Variants in SUMF1 observed in about 807,000 individuals in gnomAD.
SUMF1 encodes sulfatase modifying factor 1.
SUMF1 carries 48 observed loss-of-function variants against 47.6 expected under a neutral mutation model. The observed-to-expected ratio is 1.01, with a 90% CI of 0.80 to 1.28. SUMF1 has a LOEUF of 1.28. Ranked by LOEUF, SUMF1 falls within the 50% of genes most tolerant of loss-of-function variation. The probability of loss-of-function intolerance (pLI) is 0.00; values close to 1 mark genes in which losing one functional copy is unlikely to be tolerated. For synonymous variants in SUMF1, 230 were observed against 192.1 expected (o/e 1.20, Z -1.63); for missense variants, 571 against 485.4 (o/e 1.18, Z -1.66).
chr3:4,181,286 A>G (rs373127736), intron 8 of SUMF1, among the ~76,000 whole-genome samples: 95 of 152,218 alleles, frequency 6.2e-4, no homozygotes, highest in African/African-American at 2.2e-3. Flanking sequence ...CTCCTTCCTC[A>G]TTCCTAGTTT....
intron 7 of SUMF1, among the ~76,000 whole-genome samples, chr3:4,384,938 C>T (rs568957962): frequency 2.0e-5 from 3 of 150,938 alleles, no homozygotes; most frequent in Non-Finnish European, 3.0e-5. Context: ...CAGGCTGGAG[C>T]GCAGTGGAGT....
intron 2 of SUMF1, among the ~76,000 whole-genome samples, chr3:4,450,912 T>C (rs1702947195): frequency 6.6e-6 from 1 of 151,866 alleles, no homozygotes; most frequent in Non-Finnish European, 1.5e-5. Flanking sequence ...GAACATAGTA[T>C]ACAAGAGGAG....
At chr3:4,230,886 A>G (rs1318155063) in intron 8 of SUMF1, among the ~76,000 whole-genome samples, 1 of 152,036 alleles carries the variant, frequency 6.6e-6, no homozygotes, top group Non-Finnish European at 1.5e-5. Context: ...GACCAAACAC[A>G]TATTTTTTAT....
At chr3:4,429,452 T>C (rs1017630920) in intron 3 of SUMF1, among the ~76,000 whole-genome samples, 1 of 152,220 alleles carries the variant, frequency 6.6e-6, no homozygotes, top group Non-Finnish European at 1.5e-5. Flanking sequence ...TTACAAGCTC[T>C]CAAGCTTCTG....
At chr3:4,353,823 C>G (rs1699561533) in intron 8 of SUMF1, among the ~76,000 whole-genome samples, 1 of 151,824 alleles carries the variant, frequency 6.6e-6, no homozygotes, top group South Asian at 2.1e-4. Flanking sequence ...CATCCTGAAC[C>G]CTTCTACTTG....
At chr3:4,362,602 A>C (rs1487642658) in intron 8 of SUMF1, among the ~76,000 whole-genome samples, 1 of 152,238 alleles carries the variant, frequency 6.6e-6, no homozygotes, top group Non-Finnish European at 1.5e-5. Flanking sequence ...CATAGTATTT[A>C]ATGACACAGG....
chr3:4,243,474 T>C (rs1696591231), intron 8 of SUMF1, among the ~76,000 whole-genome samples: 2 of 152,236 alleles, frequency 1.3e-5, no homozygotes, highest in Non-Finnish European at 2.9e-5. Context: ...TTTGTTCTCA[T>C]TGGTTTCAAA....
chr3:4,037,495 TG>T (rs1381471384), intron 9 of SUMF1, among the ~76,000 whole-genome samples: 1 of 152,226 alleles, frequency 6.6e-6, no homozygotes, highest in Non-Finnish European at 1.5e-5. Context: ...AGGAATAGTG[TG>T]TTTTTTAGTT....
intron 8 of SUMF1, among the ~76,000 whole-genome samples, chr3:4,142,882 G>C (rs1418927956): frequency 6.6e-6 from 1 of 152,006 alleles, no homozygotes; most frequent in Non-Finnish European, 1.5e-5. Context: ...AGACTTTCTA[G>C]CTCCAAAAGG....
intron 8 of SUMF1, among the ~76,000 whole-genome samples, chr3:4,171,132 C>A (rs1262825276): frequency 2.0e-5 from 3 of 152,146 alleles, no homozygotes; most frequent in South Asian, 2.1e-4. Flanking sequence ...TACTTTATGG[C>A]TGAATAAACA....
chr3:4,323,018 A>G (rs541399866), intron 8 of SUMF1, among the ~76,000 whole-genome samples: 4 of 152,346 alleles, frequency 2.6e-5, no homozygotes, highest in Admixed American at 6.5e-5. Context: ...TAAACAAAAT[A>G]TAGTATCCAT....
rs35485011 is a variant in SUMF1, at chr3:4,162,905, T to TAAA, written c.1015-94163_1015-94161dup. ...CAGCCATCTCACTGTGCCTCCCTCA[T>TAAA]AAAAAAAAAAAGGTTTTGAAAGTAA... On this transcript the variant is annotated intron_variant and NMD_transcript_variant, in intron 8 of 12. Transcript: ENST00000448413. Among the ~76,000 whole-genome samples, 152 of 143,458 alleles carry TAAA rather than the reference T, an allele frequency of 1.1e-3. 2 individuals carry two copies. Among genetic ancestry groups the TAAA allele is most frequent in the African/African-American group, 3.1e-3 (121 of 38,960 alleles). 94.1% of individuals were successfully genotyped at this position (143,458 alleles called of 152,430 possible). A position where few individuals can be genotyped will look rare whatever the true frequency, so the allele number is the denominator to read the frequency against.
At chr3:4,339,695 T>C (rs1699229191) in intron 8 of SUMF1, among the ~76,000 whole-genome samples, 1 of 152,148 alleles carries the variant, frequency 6.6e-6, no homozygotes, top group Admixed American at 6.5e-5. Flanking sequence ...TTTCAGTCCT[T>C]CTAGGACATC....
intron 8 of SUMF1, among the ~76,000 whole-genome samples, chr3:4,135,563 C>T (rs548159100): frequency 6.6e-6 from 1 of 152,238 alleles, no homozygotes; most frequent in Non-Finnish European, 1.5e-5. Flanking sequence ...AAAACTGGCA[C>T]AAGACAGGGA....
At chr3:4,436,592 T>C (rs1376746618) in intron 3 of SUMF1, among the ~76,000 whole-genome samples, 3 of 137,666 alleles carry the variant, frequency 2.2e-5, no homozygotes, top group Non-Finnish European at 3.2e-5. Flanking sequence ...TAGAGCAGAG[T>C]TGTTAATTAA....
At chr3:4,048,514 C>T (rs1490753119) in intron 9 of SUMF1, among the ~76,000 whole-genome samples, 1 of 152,188 alleles carries the variant, frequency 6.6e-6, no homozygotes, top group East Asian at 1.9e-4. Flanking sequence ...ATGAGCTCTT[C>T]ATTATGCCCT....
At chr3:4,195,858 C>T (rs1218111382) in intron 8 of SUMF1, among the ~76,000 whole-genome samples, 2 of 151,982 alleles carry the variant, frequency 1.3e-5, no homozygotes, top group Non-Finnish European at 2.9e-5. Flanking sequence ...TCTCCCATAT[C>T]TTATCTATGA....
intron 1 of SUMF1, among the ~76,000 whole-genome samples, chr3:4,454,683 T>C (rs943311269): frequency 7.2e-5 from 11 of 152,220 alleles, no homozygotes; most frequent in African/African-American, 2.7e-4. Context: ...TCCAAATGTA[T>C]ATCAGCTGAT....
Position 4,407,228 on chromosome 3 carries a change from A to G in SUMF1, c.954+3637T>C, listed in dbSNP as rs59465436. ...CTGCTTTTGCCATAAATGACTGCCCAATAAAATAAAAACTAATGATTAACT... is the reference window on the plus strand; with the variant it reads ...CTGCTTTTGCCATAAATGACTGCCCGATAAAATAAAAACTAATGATTAACT... On this transcript the variant is annotated intron_variant, in intron 7 of 8. Coordinates refer to ENST00000272902, the MANE Select transcript of SUMF1 (RefSeq NM_182760.4). 3.6e-3 allele frequency among the ~76,000 whole-genome samples: 547 copies of G among 152,318 alleles called. 3 individuals carry two copies. The highest frequency in any genetic ancestry group is 0.013 in the African/African-American group (523 of 41,562).
Sources: allele counts gnomAD v4.1 joint callset (sites outside exome capture counted in the v4.1 genomes callset), GRCh38; gene constraint gnomAD v4.1.1; transcripts MANE v1.5; gene names NCBI Gene and HGNC (gene_info 2026-07-23, HGNC 2026-07-21).